PDE1A: variants seen among roughly 807,000 people sequenced by gnomAD.
The protein encoded by PDE1A is dual specificity calcium/calmodulin-dependent 3',5'-cyclic nucleotide phosphodiesterase 1A.
In PDE1A, 35 loss-of-function variants were observed where a neutral mutation model predicts 61.7. The ratio of observed to expected loss-of-function variants is 0.57; its 90% confidence interval spans 0.43 to 0.75. The LOEUF (loss-of-function observed/expected upper bound fraction) is 0.75, where lower values mean the gene tolerates loss of function less well. Among genes scored for constraint, PDE1A ranks in the 30% least tolerant of loss-of-function variants. The pLI, the probability that PDE1A is intolerant of heterozygous loss-of-function variation, is 0.00. For missense variants in PDE1A, 597 were observed against 630.6 expected, an observed-to-expected ratio of 0.95 and a Z score of 0.57; for synonymous variants, 232 against 213.2, an observed-to-expected ratio of 1.09 and a Z score of -0.77.
chr2:182,656,552 GC>G, the PDE1A span, among the ~76,000 whole-genome samples: 2 of 152,174 alleles, frequency 1.3e-5, no homozygotes, highest in South Asian at 2.1e-4. Context: ...TCTACTCTGA[GC>G]CCTGGGATGA....
chr2:182,168,994 G>A (rs1036005382), intron 13 of PDE1A, among the ~76,000 whole-genome samples: 7 of 152,118 alleles, frequency 4.6e-5, no homozygotes, highest in Non-Finnish European at 5.9e-5. Context: ...GCATGTGTGT[G>A]TAAGTGTATG....
the PDE1A span, among the ~76,000 whole-genome samples, chr2:182,598,293 C>G: frequency 6.6e-6 from 1 of 152,136 alleles, no homozygotes; most frequent in Non-Finnish European, 1.5e-5. Context: ...GGTTCTCAAC[C>G]GGGCACAGTG....
At chr2:182,179,356 C>T (rs1372954101) in intron 13 of PDE1A, among the ~76,000 whole-genome samples, 1 of 152,032 alleles carries the variant, frequency 6.6e-6, no homozygotes, top group Non-Finnish European at 1.5e-5. Context: ...TTTTAAAAAG[C>T]ATCTTGTTGA....
rs1574362389 is a variant in PDE1A, at chr2:182,328,410, A to T, written c.54-63996T>A. ...AGAAAGAAATGGAACGAGGGCATTGAGAGTACATGGAAGGTCATTATTGCA... is the reference window on the plus strand; with the variant it reads ...AGAAAGAAATGGAACGAGGGCATTGTGAGTACATGGAAGGTCATTATTGCA... On this transcript the variant is annotated intron_variant, in intron 1 of 13. Coordinates refer to ENST00000351439, the Ensembl canonical transcript of PDE1A. Among the ~76,000 whole-genome samples, 4 of 152,322 alleles carry T rather than the reference A, an allele frequency of 2.6e-5. 1 individual carries two copies. Among genetic ancestry groups the T allele is most frequent in the Admixed American group, 2.6e-4 (4 of 15,302 alleles).
intron 1 of PDE1A, among the ~76,000 whole-genome samples, chr2:182,423,358 C>A (rs1703400804): frequency 6.6e-6 from 1 of 151,934 alleles, no homozygotes; most frequent in South Asian, 2.1e-4. Flanking sequence ...CTGTAGGAGC[C>A]CCAGACATTC....
intron 13 of PDE1A, among the ~76,000 whole-genome samples, chr2:182,161,973 C>G (rs189878970): frequency 2.0e-5 from 3 of 152,162 alleles, no homozygotes; most frequent in Admixed American, 2.0e-4. Context: ...GCCTGATCTA[C>G]CTTGGTTTCA....
the PDE1A span, among the ~76,000 whole-genome samples, chr2:182,644,683 A>G: frequency 6.6e-6 from 1 of 152,108 alleles, no homozygotes; most frequent in African/African-American, 2.4e-5. Context: ...ATGAGTGGGA[A>G]GGATACAACC....
intron 10 of PDE1A, among the ~76,000 whole-genome samples, chr2:182,192,609 A>G (rs1279368903): frequency 2.6e-5 from 4 of 152,126 alleles, no homozygotes; most frequent in Non-Finnish European, 4.4e-5. Flanking sequence ...GCATTGTGAA[A>G]GAAGAATTTA....
At chr2:182,359,560 T>G (rs1015951122) in intron 1 of PDE1A, among the ~76,000 whole-genome samples, 1 of 152,166 alleles carries the variant, frequency 6.6e-6, no homozygotes, top group African/African-American at 2.4e-5. Context: ...TTTCCCTCGT[T>G]TGAAACATCA....
chr2:182,312,359 T>C (rs1696038387), intron 1 of PDE1A, among the ~76,000 whole-genome samples: 1 of 152,162 alleles, frequency 6.6e-6, no homozygotes, highest in South Asian at 2.1e-4. Flanking sequence ...GTGTTATATC[T>C]AAACAATATT....
chr2:182,585,163 C>A, the PDE1A span, among the ~76,000 whole-genome samples: 3 of 152,130 alleles, frequency 2.0e-5, no homozygotes, highest in African/African-American at 7.2e-5. Flanking sequence ...CCCATTTAGT[C>A]TTTAATATTT....
chr2:182,665,567 C>T, the PDE1A span, among the ~76,000 whole-genome samples: 6 of 152,136 alleles, frequency 3.9e-5, no homozygotes, highest in South Asian at 6.2e-4. Context: ...CAGGAAACAA[C>T]AGATGCTTGT....
At chr2:182,549,803 T>G in the PDE1A span, among the ~76,000 whole-genome samples, 1 of 152,178 alleles carries the variant, frequency 6.6e-6, no homozygotes, top group South Asian at 2.1e-4. Context: ...ATATTACTTA[T>G]AGACAGGGTT....
At chr2:182,439,862 A>G (rs1027545216) in intron 2 of PDE1A, among the ~76,000 whole-genome samples, 2 of 152,100 alleles carry the variant, frequency 1.3e-5, no homozygotes, top group Non-Finnish European at 2.9e-5. Flanking sequence ...TGTTTACATG[A>G]CAACATTTTA....
At chr2:182,166,769 G>A (rs375771888), downstream of PDE1A, among the ~76,000 whole-genome samples, 25 of 152,264 alleles carry the variant, frequency 1.6e-4, no homozygotes, top group African/African-American at 6.0e-4. Flanking sequence ...CCTCCTGTGT[G>A]AAGGCAAGGT....
At chr2:182,264,342 A>G (rs1405935558) in exon 2 of PDE1A, 9 of 1,613,474 alleles carry the variant, frequency 5.6e-6, no homozygotes, top group Admixed American at 1.7e-5. Flanking sequence ...CAGATGCCGC[A>G]TATTCAATAT....
chr2:182,590,992 T>G, the PDE1A span, among the ~76,000 whole-genome samples: 1 of 152,210 alleles, frequency 6.6e-6, no homozygotes, highest in African/African-American at 2.4e-5. Flanking sequence ...CAATGCCTCA[T>G]ACATAGAAGA....
At chr2:182,549,539 C>T in the PDE1A span, among the ~76,000 whole-genome samples, 1 of 151,986 alleles carries the variant, frequency 6.6e-6, no homozygotes, top group Admixed American at 6.6e-5. Context: ...AAAATACCTC[C>T]AAATTTGAAC....
chr2:182,673,493 A>C, the PDE1A span, among the ~76,000 whole-genome samples: 1 of 152,188 alleles, frequency 6.6e-6, no homozygotes, highest in Non-Finnish European at 1.5e-5. Context: ...CATGCTAAGA[A>C]AAGTTAAACA....
Sources: gnomAD v4.1 joint callset for allele counts (sites outside exome capture counted in the v4.1 genomes callset) on GRCh38, gnomAD v4.1.1 for gene constraint, MANE v1.5 for transcripts, NCBI Gene and HGNC (gene_info 2026-07-23, HGNC 2026-07-21) for gene names.